Variants in SPATA16 observed in about 807,000 individuals in gnomAD.
SPATA16 encodes spermatogenesis-associated protein 16.
In SPATA16, 36 loss-of-function variants were observed where a neutral mutation model predicts 63.3. The ratio of observed to expected loss-of-function variants is 0.57; its 90% CI spans 0.44 to 0.75. The LOEUF (loss-of-function observed/expected upper bound fraction) is 0.75, where lower values mean the gene tolerates loss of function less well. Ranked by LOEUF, SPATA16 falls within the 30% of genes least tolerant of loss-of-function variation. SPATA16 has a pLI of 0.00. For synonymous variants in SPATA16, 203 were observed against 216.7 expected (o/e 0.94, Z 0.56); for missense variants, 646 against 679.3 (o/e 0.95, Z 0.54).
intron 4 of SPATA16, among the ~76,000 whole-genome samples, chr3:173,011,309 C>A (rs1444304829): frequency 6.6e-6 from 1 of 152,164 alleles, no homozygotes; most frequent in East Asian, 1.9e-4. Flanking sequence ...AACACAAAAA[C>A]CATATTATCA....
At chr3:172,986,834 C>A (rs921230948) in intron 4 of SPATA16, among the ~76,000 whole-genome samples, 4 of 152,068 alleles carry the variant, frequency 2.6e-5, no homozygotes, top group Non-Finnish European at 4.4e-5. Flanking sequence ...AGTGAGAAGA[C>A]TGGAGGTGGG....
chr3:172,934,677 C>T (rs969192453), intron 6 of SPATA16, among the ~76,000 whole-genome samples: 1 of 152,050 alleles, frequency 6.6e-6, no homozygotes, highest in African/African-American at 2.4e-5. Flanking sequence ...TATTATTACT[C>T]ATGAATTATC....
At chr3:173,038,511 A>G (rs115933766) in intron 3 of SPATA16, among the ~76,000 whole-genome samples, 1,901 of 152,048 alleles carry the variant, frequency 0.013, 39 homozygotes, top group African/African-American at 0.042. Context: ...TCAGCTCTCT[A>G]TGTTTCCCTA....
intron 5 of SPATA16, among the ~76,000 whole-genome samples, chr3:172,971,133 C>T (rs980461786): frequency 6.6e-6 from 1 of 152,114 alleles, no homozygotes; most frequent in Non-Finnish European, 1.5e-5. Context: ...GAACTTGGAA[C>T]TTCCATGAAG....
chr3:173,098,777 T>C (rs1227191501), intron 2 of SPATA16, among the ~76,000 whole-genome samples: 1 of 152,032 alleles, frequency 6.6e-6, no homozygotes, highest in African/African-American at 2.4e-5. Flanking sequence ...ATGGCACAGA[T>C]AGTAAAGGAA....
intron 5 of SPATA16, among the ~76,000 whole-genome samples, chr3:172,966,695 T>C (rs1383036224): frequency 6.6e-6 from 1 of 152,142 alleles, no homozygotes. Context: ...TACAATCATA[T>C]GAATTCAAGA....
intron 4 of SPATA16, among the ~76,000 whole-genome samples, chr3:172,998,479 T>C (rs1606847): frequency 0.97 from 147,511 of 152,234 alleles, 71,506 homozygotes; most frequent in East Asian, 1. Flanking sequence ...ATCATGTCAT[T>C]GGCAGACAAA....
chr3:173,071,357 A>T (rs986094919), intron 2 of SPATA16, among the ~76,000 whole-genome samples: 9 of 152,220 alleles, frequency 5.9e-5, no homozygotes, highest in African/African-American at 1.9e-4. Context: ...CCATTAAACG[A>T]TTAGAAGAAA....
At chr3:173,108,124 G>A (rs1442730283) in intron 2 of SPATA16, among the ~76,000 whole-genome samples, 3 of 152,058 alleles carry the variant, frequency 2.0e-5, no homozygotes, top group Non-Finnish European at 4.4e-5. Context: ...ATCTTCCTCA[G>A]CTTCCTATGG....
intron 1 of SPATA16, among the ~76,000 whole-genome samples, chr3:173,121,370 A>G (rs1035856091): frequency 1.3e-5 from 2 of 152,230 alleles, no homozygotes; most frequent in Non-Finnish European, 1.5e-5. Context: ...CACTTCTCCT[A>G]TAAACTACTC....
At chr3:173,114,280 T>C (rs113820809) in intron 2 of SPATA16, among the ~76,000 whole-genome samples, 3,071 of 152,210 alleles carry the variant, frequency 0.02, 67 homozygotes, top group Middle Eastern at 0.071. Flanking sequence ...TTTCTCCTTC[T>C]TTCTCAGTAA....
chr3:172,893,609 A>C (rs995975055), intron 10 of SPATA16, among the ~76,000 whole-genome samples: 2 of 152,260 alleles, frequency 1.3e-5, no homozygotes, highest in South Asian at 4.1e-4. Flanking sequence ...AGTGAAGGGA[A>C]GAGCAATTAA....
At chr3:173,130,162 C>A (rs568735109) in intron 1 of SPATA16, among the ~76,000 whole-genome samples, 1 of 151,998 alleles carries the variant, frequency 6.6e-6, no homozygotes, top group Non-Finnish European at 1.5e-5. Flanking sequence ...GATATCAAGA[C>A]CATCCTGGTC....
chr3:173,118,787 A>G (rs1381640198), intron 1 of SPATA16, among the ~76,000 whole-genome samples: 1 of 152,214 alleles, frequency 6.6e-6, no homozygotes, highest in Non-Finnish European at 1.5e-5. Flanking sequence ...GCCAACTCCT[A>G]GCCTGAGATA....
chr3:173,114,996 A>G (rs1212558737), intron 2 of SPATA16, among the ~76,000 whole-genome samples: 1 of 152,198 alleles, frequency 6.6e-6, no homozygotes, highest in Non-Finnish European at 1.5e-5. Context: ...TTGGTTTCAA[A>G]ATAATTATTT....
intron 2 of SPATA16, among the ~76,000 whole-genome samples, chr3:173,099,257 TGAGA>T (rs915573106): frequency 7.3e-4 from 102 of 140,098 alleles, no homozygotes; most frequent in African/African-American, 2.4e-3. Context: ...AGAGAGAGAG[TGAGA>T]GAGAGAGAGA....
intron 2 of SPATA16, among the ~76,000 whole-genome samples, chr3:173,094,125 A>C (rs1737293014): frequency 1.3e-5 from 2 of 152,032 alleles, no homozygotes; most frequent in Non-Finnish European, 2.9e-5. Context: ...CCTTCTGAAA[A>C]ATAATTAAAA....
chr3:173,004,591 T>C (rs760457611), intron 4 of SPATA16, among the ~76,000 whole-genome samples: 1 of 152,218 alleles, frequency 6.6e-6, no homozygotes, highest in African/African-American at 2.4e-5. Context: ...AATAGTCTTA[T>C]GCTATAATAC....
rs777685279 is a variant in SPATA16, at chr3:173,052,401, A to G, written c.613-3307T>C. On this transcript the variant is annotated intron_variant, in intron 2 of 10. Coordinates refer to ENST00000351008, the MANE Select transcript of SPATA16 (RefSeq NM_031955.6). ...TTTCAATTCATGTTAAAATCAGAAA[A>G]TAGGCAGCCTGCTGGGTAGGCTTTA... 1.8e-4 allele frequency among the ~76,000 whole-genome samples: 27 copies of G among 152,198 alleles called. 1 individual carries two copies. The highest frequency in any genetic ancestry group is 6.5e-5 in the Admixed American group (1 of 15,284).
Sources: gnomAD v4.1 joint callset for allele counts (sites outside exome capture counted in the v4.1 genomes callset) on GRCh38, gnomAD v4.1.1 for gene constraint, MANE v1.5 for transcripts, NCBI Gene and HGNC (gene_info 2026-07-23, HGNC 2026-07-21) for gene names.